Variants in CABIN1 observed in about 807,000 individuals in gnomAD.
CABIN1 encodes the protein calcineurin-binding protein cabin-1.
A neutral mutation model predicts 227.7 loss-of-function variants in CABIN1; 133 were observed. The observed-to-expected ratio is 0.58, with a 90% confidence interval of 0.51 to 0.67. CABIN1 has a LOEUF of 0.67. Among genes scored for constraint, CABIN1 ranks in the 30% least tolerant of loss-of-function variants. The pLI is 0.00. For missense variants in CABIN1, 2,408 were observed against 2,852.5 expected (o/e 0.84, Z 3.55); for synonymous variants, 1,086 against 1,155.1 (o/e 0.94, Z 1.21).
intron 29 of CABIN1, among the ~76,000 whole-genome samples, chr22:24,136,126 G>C (rs2044379884): frequency 6.6e-6 from 1 of 152,196 alleles, no homozygotes; most frequent in South Asian, 2.1e-4. Context: ...CTTGTCTCAT[G>C]TGTGTCCTTC....
chr22:24,106,833 C>T (rs894163228), intron 26 of CABIN1, among the ~76,000 whole-genome samples: 16 of 152,254 alleles, frequency 1.1e-4, no homozygotes, highest in Middle Eastern at 3.4e-3. Context: ...TCCCTTTTGC[C>T]CTATTGACGT....
At chr22:24,132,134 T>C (rs2148150876) in intron 28 of CABIN1, among the ~76,000 whole-genome samples, 2 of 151,906 alleles carry the variant, frequency 1.3e-5, no homozygotes, top group Admixed American at 1.3e-4. Flanking sequence ...TAGACCAGGA[T>C]GGACACCTGC....
chr22:24,094,947 A>G (rs900928616), intron 24 of CABIN1, among the ~76,000 whole-genome samples: 9 of 152,024 alleles, frequency 5.9e-5, no homozygotes, highest in African/African-American at 1.9e-4. Flanking sequence ...CGCCACTTGG[A>G]TGAACTTTAC....
In CABIN1 at chr22:24,098,058, G is replaced by C. The variant is rs2041996439; in HGVS notation, c.3983G>C (p.Gly1328Ala). 1.2e-6 allele frequency: 2 copies of C among 1,614,172 alleles called. No homozygotes were observed. Residue 1328 changes from glycine (G) to alanine (A), a missense_variant, in exon 26 of 37, where the codon GGG becomes GCG. By Grantham distance (60) the Gly-to-Ala change is moderately conservative. Around this residue, in one of 3 missense-constraint regions of CABIN1, gnomAD observed 649 missense variants for 910.3 expected, o/e 0.71. Coordinates refer to ENST00000263119, the MANE Select transcript of CABIN1 (RefSeq NM_012295.4). ...LVDEDSHSSAGTLPGPGASLP... is the reference protein window; with the variant it reads ...LVDEDSHSSAATLPGPGASLP... The stretch of plus-strand genomic sequence containing the variant: ...GACGAGGACTCCCACTCTTCAGCTG[G>C]GACACTGCCGGGCCCCGGAGCCTCC...
At chr22:24,113,345 G>T (rs940291361) in intron 26 of CABIN1, among the ~76,000 whole-genome samples, 1 of 152,214 alleles carries the variant, frequency 6.6e-6, no homozygotes, top group Non-Finnish European at 1.5e-5. Context: ...CTGTTTGGGG[G>T]AACCCCAGGA....
At chr22:24,173,813 G>A (rs865992302) in intron 34 of CABIN1, among the ~76,000 whole-genome samples, 23 of 152,140 alleles carry the variant, frequency 1.5e-4, no homozygotes, top group Admixed American at 8.5e-4. Flanking sequence ...CAGCCTGGGC[G>A]ACAGAGCTAG....
chr22:24,137,909 C>T (rs939537169), intron 29 of CABIN1, among the ~76,000 whole-genome samples: 3 of 152,220 alleles, frequency 2.0e-5, no homozygotes, highest in African/African-American at 7.2e-5. Context: ...ACTGGCTCAC[C>T]TCTCTTCTAG....
chr22:24,072,065 C>T (rs1366683749), intron 17 of CABIN1, among the ~76,000 whole-genome samples: 1 of 152,210 alleles, frequency 6.6e-6, no homozygotes, highest in Admixed American at 6.5e-5. Flanking sequence ...TCTCTCTGGG[C>T]TCTCAGCTCC....
intron 29 of CABIN1, among the ~76,000 whole-genome samples, chr22:24,151,093 G>C (rs1159099003): frequency 6.6e-6 from 1 of 152,110 alleles, no homozygotes; most frequent in Non-Finnish European, 1.5e-5. Context: ...GAGCCTACTT[G>C]GGAACCCGAA....
At chr22:24,117,387 T>G (rs913974302) in intron 27 of CABIN1, among the ~76,000 whole-genome samples, 4 of 152,194 alleles carry the variant, frequency 2.6e-5, no homozygotes, top group African/African-American at 9.7e-5. Flanking sequence ...TTTGTAGAAA[T>G]GAGATCTTGC....
At chr22:24,091,504 A>G in intron 23 of CABIN1, 79 bp from the exon 24 acceptor site, 2 of 1,580,444 alleles carry the variant, frequency 1.3e-6, no homozygotes, top group Non-Finnish European at 1.7e-6. Context: ...ATAGGTCGGC[A>G]GAGCTTTGTA....
intron 29 of CABIN1, among the ~76,000 whole-genome samples, chr22:24,147,331 T>TCCTCCCTCCCTCCCTGCCTC (rs2045202096): frequency 1.7e-5 from 1 of 58,590 alleles, no homozygotes; most frequent in African/African-American, 6.6e-5. Context: ...CTCCCTCCTC[T>TCCTCCCTCCCTCCCTGCCTC]CCTCCCTCCC....
At chr22:24,066,423 C>T (rs565964058) in intron 15 of CABIN1, among the ~76,000 whole-genome samples, 1 of 152,366 alleles carries the variant, frequency 6.6e-6, no homozygotes, top group East Asian at 1.9e-4. Flanking sequence ...CCAAGTTCCA[C>T]CCAGGTGCCA....
In CABIN1 at chr22:24,064,150, C is replaced by T. The variant is rs141942034; in HGVS notation, c.2000C>T (p.Pro667Leu). Residue 667 changes from proline (P) to leucine (L), a missense_variant, in exon 15 of 37, where the codon CCC becomes CTC. Around this residue, in one of 3 missense-constraint regions of CABIN1, gnomAD observed 1,045 missense variants for 1,168.4 expected, o/e 0.89. Transcript: ENST00000263119. ...CGAAGAGACATTGTCATCCGGCTGC[C>T]CAACCTCCATAATGACTCTGTGGTT... is the stretch of plus-strand genomic sequence containing the variant. ...AERRDIVIRLPNLHNDSVVSL... is the reference protein window; with the variant it reads ...AERRDIVIRLLNLHNDSVVSL... 1.9e-6 allele frequency: 3 copies of T among 1,614,188 alleles called. No homozygotes were observed. Among genetic ancestry groups the T allele is most frequent in the African/African-American group, 1.3e-5 (1 of 75,028 alleles).
intron 1 of CABIN1, among the ~76,000 whole-genome samples, chr22:24,012,109 A>C (rs1009907453): frequency 6.6e-6 from 1 of 152,196 alleles, no homozygotes; most frequent in African/African-American, 2.4e-5. Context: ...CAGTGTTTAC[A>C]TTGTTATATT....
At position 24,064,191 on chromosome 22, in the gene CABIN1, AGT is replaced by A. The variant is rs766433699; in HGVS notation, c.2037+6_2037+7del. ...CTCTGTGGTTTCCCTGGAGGAGGTA[AGT>A]GAGAATTTTCGTTTGTTTGTTTGTT... On this transcript the variant is annotated splice_donor_5th_base_variant and intron_variant, in intron 15 of 36. Transcript: ENST00000263119. The A allele has an allele frequency of 1.7e-5, 28 of 1,613,998 alleles. No homozygotes were observed. In the Admixed American group the frequency reaches 4.3e-4, roughly 25 times the overall value.
At chr22:24,126,193 G>A (rs1290928690) in intron 28 of CABIN1, among the ~76,000 whole-genome samples, 3 of 152,232 alleles carry the variant, frequency 2.0e-5, no homozygotes, top group African/African-American at 4.8e-5. Context: ...TGGTTGTCAC[G>A]CAGGAGGTTC....
intron 28 of CABIN1, among the ~76,000 whole-genome samples, chr22:24,123,349 C>T (rs1270415361): frequency 1.3e-5 from 2 of 152,190 alleles, no homozygotes; most frequent in Non-Finnish European, 2.9e-5. Flanking sequence ...TACCCACAGC[C>T]ACACTGCCTA....
Position 24,161,827 on chromosome 22 carries a change from G to A in CABIN1, c.4747-2573G>A, listed in dbSNP as rs534923618. On this transcript the variant is annotated intron_variant, in intron 29 of 36. Transcript: ENST00000263119. Reference sequence around the variant, plus strand: ...CATGCCCCTTCCTCCTGTGTGGGCCGTGGTGAGGAAAACCAGGTGAAGCAG... The same window carrying A: ...CATGCCCCTTCCTCCTGTGTGGGCCATGGTGAGGAAAACCAGGTGAAGCAG... 3.3e-5 allele frequency among the ~76,000 whole-genome samples: 5 copies of A among 152,178 alleles called. No individual in the cohort carries two copies. The South Asian group carries it at 6.2e-4, about 19-fold the overall frequency.
Sources: allele counts gnomAD v4.1 joint callset (sites outside exome capture counted in the v4.1 genomes callset), GRCh38; gene constraint gnomAD v4.1.1; regional missense constraint gnomAD v4.1.1; transcripts MANE v1.5; gene names NCBI Gene and HGNC (gene_info 2026-07-23, HGNC 2026-07-21).